TOPBP1: variants seen among roughly 807,000 people sequenced by gnomAD.
TOPBP1 encodes DNA topoisomerase II binding protein 1, also known as DNA topoisomerase 2-binding protein 1.
In TOPBP1, 28 loss-of-function variants were observed where a neutral mutation model predicts 167.7. The observed-to-expected ratio is 0.17, with a 90% CI of 0.12 to 0.23. The LOEUF (loss-of-function observed/expected upper bound fraction) is 0.23. Among genes scored for constraint, TOPBP1 ranks in the 10% least tolerant of loss-of-function variants. TOPBP1 has a pLI of 1.00. For missense variants in TOPBP1, 1,554 were observed against 1,809.6 expected, an observed-to-expected ratio of 0.86 and a Z score of 2.56; for synonymous variants, 598 against 611.4, an observed-to-expected ratio of 0.98 and a Z score of 0.32.
intron 19 of TOPBP1, among the ~76,000 whole-genome samples, chr3:133,620,811 G>A (rs947192653): frequency 1.3e-5 from 2 of 152,062 alleles, no homozygotes; most frequent in African/African-American, 4.8e-5. Flanking sequence ...CTGACCTCAG[G>A]TGATCTGCCC....
chr3:133,636,582 T>C (rs1045646874), intron 14 of TOPBP1, among the ~76,000 whole-genome samples: 11 of 152,196 alleles, frequency 7.2e-5, no homozygotes, highest in Admixed American at 5.9e-4. Flanking sequence ...TATTCAGAAC[T>C]ATCAGCTTTC....
chr3:133,645,292 G>C lies in TOPBP1; in HGVS notation c.1505-929C>G, dbSNP rs1415676355. On this transcript the variant is annotated intron_variant, in intron 10 of 27. Coordinates refer to ENST00000260810, the MANE Select transcript of TOPBP1 (RefSeq NM_007027.4). ...TACTTATTCGCACTAAGGAAGCATA[G>C]TTTTGTCTAGGGAGTTTACTGGTCA... Among the ~76,000 whole-genome samples, 4 of 152,160 alleles carry C rather than the reference G, an allele frequency of 2.6e-5. No homozygotes were observed. The East Asian group carries it at 7.7e-4, about 29-fold the overall frequency.
Position 133,623,362 on chromosome 3 carries a change from C to T in TOPBP1, c.3024G>A (p.Arg1008=). ...SLDISAVQDG[R]LCNSRLLSAV... is the part of the protein sequence containing the mutation. ...CTGAGAGTAGTCGACTATTACAGAG[C>T]CGGCCATCTTGCACTGCGCTGATAT... Residue 1008 remains arginine (R), a synonymous_variant, in exon 18 of 28, where the codon CGG becomes CGA. Coordinates refer to ENST00000260810, the MANE Select transcript of TOPBP1 (RefSeq NM_007027.4). 6.2e-7 allele frequency: 1 copy of T among 1,613,504 alleles called. No homozygotes were observed. The highest frequency in any genetic ancestry group is 8.5e-7 in the Non-Finnish European group (1 of 1,179,714).
chr3:133,640,611 A>G (rs1454319824), intron 12 of TOPBP1, among the ~76,000 whole-genome samples: 2 of 151,986 alleles, frequency 1.3e-5, no homozygotes, highest in African/African-American at 2.4e-5. Context: ...GGGTTTCACA[A>G]TGTTGCCTAG....
chr3:133,650,091 T>A (rs1936232666), intron 8 of TOPBP1, 148 bp from the exon 9 acceptor site: 1 of 685,418 alleles, frequency 1.5e-6, no homozygotes, highest in Non-Finnish European at 2.2e-6. Context: ...AACTTTTGAT[T>A]TTTTAACAGT....
chr3:133,620,613 T>C (rs1935057027), intron 19 of TOPBP1, among the ~76,000 whole-genome samples: 1 of 150,872 alleles, frequency 6.6e-6, no homozygotes, highest in Non-Finnish European at 1.5e-5. Context: ...TCTAGCACTG[T>C]CGCCCAGGCT....
chr3:133,648,883 C>T (rs889758231), intron 10 of TOPBP1, among the ~76,000 whole-genome samples: 2 of 151,682 alleles, frequency 1.3e-5, no homozygotes, highest in Admixed American at 6.6e-5. Context: ...AGTTATGATA[C>T]ACATTAAATT....
At chr3:133,648,233 G>A (rs773855463) in intron 10 of TOPBP1, among the ~76,000 whole-genome samples, 4 of 152,148 alleles carry the variant, frequency 2.6e-5, no homozygotes, top group East Asian at 1.9e-4. Context: ...ATACCCAGCC[G>A]AAGAGTCTTA....
intron 10 of TOPBP1, 59 bp from the exon 11 acceptor site, chr3:133,644,422 T>C: frequency 7.2e-7 from 1 of 1,387,222 alleles, no homozygotes; most frequent in Non-Finnish European, 9.7e-7. Flanking sequence ...GTTTACTTCC[T>C]AGCAAGGATA....
At chr3:133,659,173 A>C (rs1936593007) in intron 2 of TOPBP1, 23 bp from the exon 3 acceptor site, 2 of 1,529,408 alleles carry the variant, frequency 1.3e-6, no homozygotes, top group East Asian at 4.7e-5. Flanking sequence ...ATAAAATAAG[A>C]ATGTACCTGA....
intron 6 of TOPBP1, 105 bp from the exon 7 acceptor site, chr3:133,653,629 A>ATTT (rs758153679): frequency 8.8e-5 from 68 of 773,156 alleles, no homozygotes; most frequent in African/African-American, 9.6e-5. Flanking sequence ...ACAGGTTAAT[A>ATTT]TTTTTTTTTT....
intron 27 of TOPBP1, among the ~76,000 whole-genome samples, chr3:133,602,365 A>C (rs1303713430): frequency 2.6e-5 from 4 of 152,230 alleles, no homozygotes; most frequent in Non-Finnish European, 5.9e-5. Flanking sequence ...ATTGATCCCC[A>C]ATCAACCTGC....
At chr3:133,652,752 G>A (rs193294686) in intron 7 of TOPBP1, 123 bp from the exon 8 acceptor site, 1 of 757,154 alleles carries the variant, frequency 1.3e-6, no homozygotes, top group East Asian at 2.8e-5. Flanking sequence ...AGATTCAGGG[G>A]TGTTTACTGA....
At chr3:133,658,478 AAAAAG>A (rs1316910112) in intron 3 of TOPBP1, among the ~76,000 whole-genome samples, 6 of 151,806 alleles carry the variant, frequency 4.0e-5, no homozygotes, top group African/African-American at 1.5e-4. Flanking sequence ...AAAGAAAAAA[AAAAAG>A]AAAAGAAAAG....
intron 16 of TOPBP1, among the ~76,000 whole-genome samples, 161 bp from the exon 17 acceptor site, chr3:133,624,336 T>C (rs959155406): frequency 6.6e-6 from 1 of 152,178 alleles, no homozygotes; most frequent in Non-Finnish European, 1.5e-5. Context: ...AAGTGATACA[T>C]GCCTATAGTC....
rs1301614451 is a variant in TOPBP1 at position 133,611,223 on chromosome 3, A to G, written c.4036-82T>C. 5 of 1,280,176 alleles carry G rather than the reference A, an allele frequency of 3.9e-6. No individual in the cohort carries two copies. The Admixed American group carries it at 8.0e-5, about 21-fold the overall frequency. 79.3% of individuals were successfully genotyped at this position (1,280,176 alleles called of 1,614,324 possible). ...CATACAGGGCTCCTCAAGGAGCCCA[A>G]AGTCTAATAACTGTTAAAGCTATAC... On this transcript the variant is annotated intron_variant, in intron 24 of 27. Coordinates refer to ENST00000260810, the MANE Select transcript of TOPBP1 (RefSeq NM_007027.4).
intron 7 of TOPBP1, 45 bp from the exon 8 acceptor site, chr3:133,652,674 C>A: frequency 6.9e-7 from 1 of 1,459,406 alleles, no homozygotes; most frequent in South Asian, 1.3e-5. Context: ...ATAAAATAAT[C>A]ATGATTACAT....
intron 21 of TOPBP1, 115 bp from the exon 22 acceptor site, chr3:133,617,441 G>A (rs1384999872): frequency 6.5e-6 from 8 of 1,240,004 alleles, no homozygotes; most frequent in South Asian, 2.2e-5. Flanking sequence ...ACTCTGGAAT[G>A]TAAAAAGTAC....
intron 5 of TOPBP1, among the ~76,000 whole-genome samples, chr3:133,656,151 T>C (rs1041832351): frequency 2.0e-5 from 3 of 151,588 alleles, no homozygotes; most frequent in African/African-American, 7.3e-5. Context: ...GAAGTGACTA[T>C]CTTGTTTTGC....
Sources: gnomAD v4.1 joint callset for allele counts (sites outside exome capture counted in the v4.1 genomes callset) on GRCh38, gnomAD v4.1.1 for gene constraint, MANE v1.5 for transcripts, NCBI Gene and HGNC (gene_info 2026-07-23, HGNC 2026-07-21) for gene names.